Variants in DOP1B observed in about 807,000 individuals in gnomAD.
DOP1B encodes the protein DOP1 leucine zipper like protein B.
DOP1B carries 174 observed loss-of-function variants against 233.5 expected under a neutral mutation model. That is an observed-to-expected ratio of 0.75 (90% CI 0.66 to 0.85). The LOEUF (loss-of-function observed/expected upper bound fraction) is 0.85. Among genes scored for constraint, DOP1B ranks in the 40% least tolerant of loss-of-function variants. DOP1B has a pLI of 0.00. For synonymous variants in DOP1B, 1,190 were observed against 1,185.6 expected, an observed-to-expected ratio of 1.00 and a Z score of -0.08; for missense variants, 2,652 against 2,846.6, an observed-to-expected ratio of 0.93 and a Z score of 1.56.
chr21:36,167,519 CT>C (rs914417316), intron 2 of DOP1B, among the ~76,000 whole-genome samples: 1 of 152,194 alleles, frequency 6.6e-6, no homozygotes, highest in African/African-American at 2.4e-5. Context: ...TTCATTATTT[CT>C]GTTTTTTCTT....
rs954648233 is a variant in DOP1B at position 36,181,414 on chromosome 21, G to A, written c.138+16543G>A. On this transcript the variant is annotated intron_variant, in intron 2 of 36. Coordinates refer to ENST00000691173, the MANE Select transcript of DOP1B (RefSeq NM_001320714.2). ...CTGCCTCAGCCTCCCGAGTAGCTGG[G>A]ATTACAGGCGTGTGCCACCACGCCC... Among the ~76,000 whole-genome samples the A allele has an allele frequency of 2.0e-5, 3 of 152,146 alleles. No homozygotes were observed. In the East Asian group the frequency reaches 5.8e-4, roughly 29 times the overall value.
chr21:36,245,631 G>A lies in DOP1B; in HGVS notation c.3651G>A (p.Arg1217=). The change falls in exon 19 of 37, where the codon AGG becomes AGA. Residue 1217 remains arginine (R), a synonymous_variant. Transcript: ENST00000691173. This position sits in a 1 kb window ranked among gnomAD's most constrained non-coding sequence, Gnocchi z 5.5. ...GGCTGCTAAAGCAGCAGCGGGAAAGGCAGGAGGCCGTCGAGGCCTTGTTCA... is the reference window on the plus strand; with the variant it reads ...GGCTGCTAAAGCAGCAGCGGGAAAGACAGGAGGCCGTCGAGGCCTTGTTCA... ...TSRLLKQQRE[R]QEAVEALFKH... 1 of 1,613,422 alleles carries A rather than the reference G, an allele frequency of 6.2e-7. No individual in the cohort carries two copies. Among genetic ancestry groups the A allele is most frequent in the Non-Finnish European group, 8.5e-7 (1 of 1,179,964 alleles).
At chr21:36,165,718 C>CTTTT (rs66857645) in intron 2 of DOP1B, among the ~76,000 whole-genome samples, 5 of 132,934 alleles carry the variant, frequency 3.8e-5, no homozygotes, top group African/African-American at 8.3e-5. Flanking sequence ...TTAGGAGAAT[C>CTTTT]TTTTTTTTTT....
intron 12 of DOP1B, among the ~76,000 whole-genome samples, chr21:36,227,415 T>A (rs7280521): frequency 6.8e-6 from 1 of 147,586 alleles, no homozygotes; most frequent in Non-Finnish European, 1.5e-5. Flanking sequence ...GGCGTGGTGG[T>A]GGGCACCTGT....
chr21:36,228,083 C>T (rs146159993), intron 13 of DOP1B, among the ~76,000 whole-genome samples: 2 of 152,252 alleles, frequency 1.3e-5, no homozygotes, highest in Non-Finnish European at 2.9e-5. Context: ...AATACCAACA[C>T]TTTCGGAGAC....
intron 32 of DOP1B, among the ~76,000 whole-genome samples, chr21:36,286,272 C>G (rs561165346): frequency 1.3e-5 from 2 of 152,000 alleles, no homozygotes; most frequent in African/African-American, 4.8e-5. Context: ...TGAGGACTGT[C>G]GTTAATAACA....
At chr21:36,261,855 G>A (rs527339568) in intron 24 of DOP1B, 80 of 635,766 alleles carry the variant, frequency 1.3e-4, no homozygotes, top group Non-Finnish European at 1.5e-4. Context: ...AGGTTGCAGT[G>A]AGCTGAGATC....
rs2066760389 is a variant in DOP1B at position 36,231,135 on chromosome 21, G to A, written c.2350+1G>A. On this transcript the variant is annotated splice_donor_variant, in intron 14 of 36. Transcript: ENST00000691173. LOFTEE classifies it high-confidence loss of function. Reference sequence around the variant, plus strand: ...TGTGCAACGCTCTTCCAGCTGCCAGGTGAGAGGCAGCCCTGCCGAAGTCCC... The same window carrying A: ...TGTGCAACGCTCTTCCAGCTGCCAGATGAGAGGCAGCCCTGCCGAAGTCCC... 6.4e-7 allele frequency: 1 copy of A among 1,572,384 alleles called. No homozygotes were observed. The highest frequency in any genetic ancestry group is 8.7e-7 in the Non-Finnish European group (1 of 1,156,004).
chr21:36,201,345 CTTTT>C (rs1172730528), intron 4 of DOP1B, among the ~76,000 whole-genome samples: 3 of 83,260 alleles, frequency 3.6e-5, no homozygotes, highest in African/African-American at 1.0e-4. Flanking sequence ...CTATTGGATT[CTTTT>C]TTTTTTTTTT....
At chr21:36,284,660 A>C (rs1391540239) in intron 32 of DOP1B, among the ~76,000 whole-genome samples, 1 of 152,118 alleles carries the variant, frequency 6.6e-6, no homozygotes, top group Non-Finnish European at 1.5e-5. Context: ...TATAGAAGCT[A>C]GAACCAAAAA....
chr21:36,178,106 C>T (rs1373929773), intron 2 of DOP1B, among the ~76,000 whole-genome samples: 1 of 152,134 alleles, frequency 6.6e-6, no homozygotes, highest in East Asian at 1.9e-4. Context: ...CCCAGTGTAG[C>T]TGTATATCAA....
At chr21:36,273,732 A>G (rs560521297) in intron 27 of DOP1B, among the ~76,000 whole-genome samples, 13 of 152,196 alleles carry the variant, frequency 8.5e-5, no homozygotes, top group Non-Finnish European at 1.2e-4. Context: ...GGAAGAGGTC[A>G]GAGAAAGGGT....
In DOP1B at chr21:36,261,027, GA is replaced by G. The variant is rs562594510; in HGVS notation, c.5315+302del. 9.2e-4 allele frequency: 1,038 copies of G among 1,123,900 alleles called. 13 individuals are homozygous for G. The African/African-American group carries it at 0.016, about 17-fold the overall frequency. 69.6% of individuals were successfully genotyped at this position (1,123,900 alleles called of 1,614,324 possible). A position where few individuals can be genotyped will look rare whatever the true frequency, so the allele number is the denominator to read the frequency against. On this transcript the variant is annotated intron_variant, in intron 24 of 36. Transcript: ENST00000691173. ...TTTGCATTAAATTGATACAGAAAAAGAAAAAAACCACATATAGGGAAGTGTT... is the reference window on the plus strand; with the variant it reads ...TTTGCATTAAATTGATACAGAAAAAGAAAAAACCACATATAGGGAAGTGTT...
chr21:36,232,990 T>C lies in DOP1B; in HGVS notation c.2537T>C (p.Phe846Ser). Residue 846 changes from phenylalanine (F) to serine (S), a missense_variant, in exon 15 of 37, where the codon TTT (phenylalanine) becomes TCT (serine). By Grantham distance (155) the Phe-to-Ser change is radical. This residue lies in a region of DOP1B where 2,617 missense variants were observed against 2,794.3 expected (regional missense o/e 0.94). Coordinates refer to ENST00000691173, the MANE Select transcript of DOP1B (RefSeq NM_001320714.2). ...TATAAGAGCTCTGGACACAACCCTT[T>C]TTTTGGCAAGCTGCAGATGGTGACG... ...KRYKSSGHNPFFGKLQMVTVP... is the reference protein window; with the variant it reads ...KRYKSSGHNPSFGKLQMVTVP... 3 of 1,614,144 alleles carry C rather than the reference T, an allele frequency of 1.9e-6. No homozygotes were observed. Among genetic ancestry groups the C allele is most frequent in the Non-Finnish European group, 2.5e-6 (3 of 1,180,012 alleles).
chr21:36,261,671 G>A, intron 24 of DOP1B: 2 of 982,346 alleles, frequency 2.0e-6, no homozygotes, highest in Non-Finnish European at 2.4e-6. Context: ...ACTTTGGGAG[G>A]CTAGAGTGGG....
chr21:36,233,625 G>GT (rs2066792716), intron 15 of DOP1B, among the ~76,000 whole-genome samples: 1 of 152,182 alleles, frequency 6.6e-6, no homozygotes. Flanking sequence ...AATGTCGTAG[G>GT]TTTTCCGGAA....
intron 27 of DOP1B, among the ~76,000 whole-genome samples, chr21:36,271,454 T>C (rs1200261411): frequency 1.3e-5 from 2 of 151,992 alleles, no homozygotes; most frequent in South Asian, 2.1e-4. Flanking sequence ...TTGTGGTTAG[T>C]AAAGACAGCG....
intron 2 of DOP1B, among the ~76,000 whole-genome samples, chr21:36,181,261 C>A (rs1196981804): frequency 1.3e-5 from 2 of 151,962 alleles, no homozygotes; most frequent in Non-Finnish European, 2.9e-5. Context: ...ATTCCAGAAA[C>A]TCAAGCTAGG....
At chr21:36,194,725 G>A (rs552621825) in intron 2 of DOP1B, among the ~76,000 whole-genome samples, 15 of 152,158 alleles carry the variant, frequency 9.9e-5, no homozygotes, top group Non-Finnish European at 2.1e-4. Flanking sequence ...GACCTCAGGC[G>A]ATCTGCCCAT....
Sources: allele counts gnomAD v4.1 joint callset (sites outside exome capture counted in the v4.1 genomes callset), GRCh38; gene constraint gnomAD v4.1.1; regional missense constraint gnomAD v4.1.1; non-coding constraint Gnocchi (gnomAD v3.1); transcripts MANE v1.5; gene names NCBI Gene and HGNC (gene_info 2026-07-23, HGNC 2026-07-21).